LINGO1: variants seen among roughly 807,000 people sequenced by gnomAD.
LINGO1 encodes leucine rich repeat and Ig domain containing 1.
LINGO1 carries 11 observed loss-of-function variants against 37.3 expected under a neutral mutation model. That is an observed-to-expected ratio of 0.29 (90% confidence interval 0.19 to 0.49). The LOEUF (loss-of-function observed/expected upper bound fraction) is 0.49. Ranked by LOEUF, LINGO1 falls within the 20% of genes least tolerant of loss-of-function variation. LINGO1 has a pLI of 0.99. For missense variants in LINGO1, 585 were observed against 878.2 expected (o/e 0.67, Z 4.22); for synonymous variants, 387 against 403.0 (o/e 0.96, Z 0.48).
chr15:77,780,501 G>A (rs920651864), intron 1 of LINGO1, among the ~76,000 whole-genome samples: 11 of 151,974 alleles, frequency 7.2e-5, no homozygotes, highest in Non-Finnish European at 7.4e-5. Context: ...GGCCTGTGCT[G>A]GGAGGAGACC....
At chr15:77,820,069 G>T (rs979140099) in intron 1 of LINGO1, 1 of 151,692 alleles carries the variant, frequency 6.6e-6, no homozygotes, top group Non-Finnish European at 1.5e-5. Flanking sequence ...CCCGCCGCTC[G>T]CGGGGCCCAG....
At chr15:77,792,278 C>T (rs2076824460) in intron 2 of LINGO1, among the ~76,000 whole-genome samples, 1 of 152,254 alleles carries the variant, frequency 6.6e-6, no homozygotes. Context: ...AGTCTCCAAA[C>T]GCAAGCCCTC....
chr15:77,697,861 G>C (rs764064437), upstream of LINGO1, among the ~76,000 whole-genome samples: 23 of 152,208 alleles, frequency 1.5e-4, 1 homozygote, highest in Admixed American at 2.6e-4. Flanking sequence ...ACCGCAGACT[G>C]CACCAGTGAC....
chr15:77,644,474 T>A (rs909001875), intron 3 of LINGO1, among the ~76,000 whole-genome samples: 1 of 152,222 alleles, frequency 6.6e-6, no homozygotes, highest in Non-Finnish European at 1.5e-5. Context: ...CTTGAGCATC[T>A]ACCTGCTTCT....
At chr15:77,736,935 G>A (rs1314637954) in intron 1 of LINGO1, among the ~76,000 whole-genome samples, 6 of 152,186 alleles carry the variant, frequency 3.9e-5, no homozygotes, top group Admixed American at 1.3e-4. Flanking sequence ...TTTTCCTAAC[G>A]GACTGTCACA....
chr15:77,736,408 C>A (rs1460813552), intron 1 of LINGO1, among the ~76,000 whole-genome samples: 1 of 152,174 alleles, frequency 6.6e-6, no homozygotes, highest in African/African-American at 2.4e-5. Flanking sequence ...CCTCTTAACT[C>A]GTCTGATCCT....
intron 2 of LINGO1, among the ~76,000 whole-genome samples, chr15:77,708,988 C>T (rs2075886291): frequency 6.6e-6 from 1 of 152,110 alleles, no homozygotes; most frequent in East Asian, 1.9e-4. Flanking sequence ...GAGGCAGAGG[C>T]TGGAGTGATG....
chr15:77,724,061 G>T (rs2076078392), intron 2 of LINGO1, among the ~76,000 whole-genome samples: 1 of 152,166 alleles, frequency 6.6e-6, no homozygotes, highest in Non-Finnish European at 1.5e-5. Flanking sequence ...TATATAGTGG[G>T]CACAAACCCA....
chr15:77,615,584 C>T lies in LINGO1; in HGVS notation c.323G>A (p.Ser108Asn). The change falls in exon 2 of 2, where the codon AGC becomes AAC. Residue 108 changes from serine (S) to asparagine (N), a missense_variant. Ser to Asn is a conservative substitution (Grantham distance 46). This residue lies in a region of LINGO1 where 484 missense variants were observed against 735.0 expected (regional missense o/e 0.66). Transcript: ENST00000355300. ...GTTGAAGGCGCCGGGCTCCACGGCG[C>T]TCACGATGTTCTCGTTGAGCTCCAG... is the stretch of plus-strand genomic sequence containing the variant. ...EELELNENIV[S>N]AVEPGAFNNL... 6 of 1,611,552 alleles carry T rather than the reference C, an allele frequency of 3.7e-6. 1 individual carries two copies. The highest frequency in any genetic ancestry group is 5.1e-6 in the Non-Finnish European group (6 of 1,178,820).
intron 2 of LINGO1, among the ~76,000 whole-genome samples, chr15:77,710,657 G>A (rs1053992124): frequency 5.3e-5 from 8 of 152,198 alleles, no homozygotes; most frequent in South Asian, 2.1e-4. Flanking sequence ...TCACTTTGCC[G>A]CGGTGCTGGC....
chr15:77,743,562 T>C (rs573539663), intron 1 of LINGO1, among the ~76,000 whole-genome samples: 1 of 152,280 alleles, frequency 6.6e-6, no homozygotes, highest in Non-Finnish European at 1.5e-5. Flanking sequence ...GAATCTACTG[T>C]GGGCACAGAG....
chr15:77,729,029 C>A (rs1193418808), intron 2 of LINGO1, among the ~76,000 whole-genome samples: 1 of 152,230 alleles, frequency 6.6e-6, no homozygotes, highest in East Asian at 1.9e-4. Flanking sequence ...CCACTCTCTG[C>A]GATGACTGAA....
chr15:77,690,960 AG>A (rs1489536081), intron 1 of LINGO1: 2 of 152,288 alleles, frequency 1.3e-5, no homozygotes, highest in Non-Finnish European at 2.9e-5. Flanking sequence ...TGAGGAGTAC[AG>A]GAAGTAGGGC....
intron 1 of LINGO1, among the ~76,000 whole-genome samples, chr15:77,746,366 C>T (rs936747954): frequency 6.6e-6 from 1 of 152,160 alleles, no homozygotes; most frequent in East Asian, 1.9e-4. Context: ...ATTCCTCCCT[C>T]AACGCCAATA....
At chr15:77,662,496 C>A (rs111923562) in intron 3 of LINGO1, among the ~76,000 whole-genome samples, 23 of 152,250 alleles carry the variant, frequency 1.5e-4, no homozygotes, top group African/African-American at 5.1e-4. Context: ...AAAGCCAATA[C>A]CCTCCACCCT....
At chr15:77,692,153 G>T (rs907893973) in intron 1 of LINGO1, among the ~76,000 whole-genome samples, 2 of 152,184 alleles carry the variant, frequency 1.3e-5, no homozygotes, top group South Asian at 2.1e-4. Flanking sequence ...ACACATATGT[G>T]CATCGTACTT....
chr15:77,683,943 C>A (rs1301955240), intron 2 of LINGO1, among the ~76,000 whole-genome samples: 7 of 152,186 alleles, frequency 4.6e-5, no homozygotes, highest in African/African-American at 1.4e-4. Context: ...AGCCTCTGGG[C>A]AACCCCAGCT....
chr15:77,782,470 C>A (rs1157675227), intron 1 of LINGO1, among the ~76,000 whole-genome samples: 1 of 152,300 alleles, frequency 6.6e-6, no homozygotes, highest in Admixed American at 6.5e-5. Context: ...TAGGGCAAAG[C>A]CTTTGACCTT....
intron 1 of LINGO1, among the ~76,000 whole-genome samples, chr15:77,692,534 C>CA (rs1803706489): frequency 6.6e-6 from 1 of 152,174 alleles, no homozygotes; most frequent in South Asian, 2.1e-4. Flanking sequence ...AATAAGCACA[C>CA]AAACAAAAAT....
Sources: gnomAD v4.1 joint callset for allele counts (sites outside exome capture counted in the v4.1 genomes callset) on GRCh38, gnomAD v4.1.1 for gene constraint, gnomAD v4.1.1 regional missense constraint, MANE v1.5 for transcripts, NCBI Gene and HGNC (gene_info 2026-07-23, HGNC 2026-07-21) for gene names.